The following TECRL variants were observed in gnomAD, a reference collection of about 807,000 sequenced individuals.
TECRL encodes the protein trans-2,3-enoyl-CoA reductase-like.
Under a neutral mutation model 52.8 loss-of-function variants are expected in TECRL, and 63 were observed. That is an observed-to-expected ratio of 1.19 (90% CI 0.97 to 1.47). TECRL has a LOEUF of 1.47. Among genes scored for constraint, TECRL ranks in the 40% most tolerant of loss-of-function variants. The pLI, the probability that TECRL is intolerant of heterozygous loss-of-function variation, is 0.00. For missense variants in TECRL, 482 were observed against 429.6 expected (o/e 1.12, Z -1.08); for synonymous variants, 164 against 141.9 (o/e 1.16, Z -1.10).
At chr4:64,302,044 C>T (rs552828926) in intron 7 of TECRL, among the ~76,000 whole-genome samples, 3 of 151,148 alleles carry the variant, frequency 2.0e-5, no homozygotes, top group East Asian at 3.9e-4. Flanking sequence ...TGATAGTAGA[C>T]ATTTATATAT....
intron 1 of TECRL, among the ~76,000 whole-genome samples, chr4:64,393,634 T>G (rs1269105218): frequency 1.3e-5 from 2 of 151,948 alleles, no homozygotes; most frequent in East Asian, 3.8e-4. Flanking sequence ...CTTTCCCATT[T>G]CTGCTTCTAT....
Position 64,404,651 on chromosome 4 carries a change from G to T in TECRL, c.234+4467C>A, listed in dbSNP as rs942558681. Among the ~76,000 whole-genome samples the T allele has an allele frequency of 2.0e-5, 3 of 151,932 alleles. No homozygotes were observed. In the South Asian group the frequency reaches 6.2e-4, roughly 31 times the overall value. On this transcript the variant is annotated intron_variant, in intron 1 of 11. Transcript: ENST00000381210. ...GCTTTATGAAAATCTTATTAAAATT[G>T]TCATCAGAACATGACTGTCTATTAA...
intron 4 of TECRL, among the ~76,000 whole-genome samples, chr4:64,322,010 G>C (rs573018544): frequency 2.8e-4 from 43 of 152,250 alleles, no homozygotes; most frequent in African/African-American, 9.4e-4. Context: ...GATGAAACCA[G>C]CCCAATAGTC....
intron 4 of TECRL, 88 bp downstream of exon 4, chr4:64,322,601 A>G (rs191265567): frequency 2.1e-4 from 185 of 877,730 alleles, no homozygotes; most frequent in Admixed American, 1.2e-3. Flanking sequence ...TTGTTTCGCT[A>G]TGAGTTTATT....
intron 1 of TECRL, among the ~76,000 whole-genome samples, chr4:64,408,105 ACT>A (rs1220351570): frequency 2.0e-5 from 3 of 151,732 alleles, no homozygotes; most frequent in Admixed American, 1.3e-4. Context: ...AGTTAATATA[ACT>A]CAATTTATAA....
At chr4:64,387,905 TTACA>T (rs1723288130) in intron 1 of TECRL, among the ~76,000 whole-genome samples, 1 of 151,852 alleles carries the variant, frequency 6.6e-6, no homozygotes, top group Non-Finnish European at 1.5e-5. Flanking sequence ...TAAATATATA[TTACA>T]TACATATATG....
At chr4:64,314,488 A>T (rs558572465) in intron 5 of TECRL, among the ~76,000 whole-genome samples, 160 bp downstream of exon 5, 15 of 152,256 alleles carry the variant, frequency 9.9e-5, no homozygotes, top group African/African-American at 3.1e-4. Flanking sequence ...GTGGTTATCT[A>T]AAATACATTT....
At chr4:64,375,843 A>G (rs1722360667) in intron 1 of TECRL, among the ~76,000 whole-genome samples, 1 of 151,862 alleles carries the variant, frequency 6.6e-6, no homozygotes, top group South Asian at 2.1e-4. Context: ...TGAATAAAAT[A>G]TTTTTTATTC....
intron 2 of TECRL, 80 bp from the exon 3 acceptor site, chr4:64,328,636 CCAT>C: frequency 8.3e-7 from 1 of 1,203,824 alleles, no homozygotes; most frequent in South Asian, 1.3e-5. Context: ...CATGGGAAGA[CCAT>C]TTAGATCTAG....
At chr4:64,398,632 C>T (rs527367308) in intron 1 of TECRL, among the ~76,000 whole-genome samples, 92 of 152,224 alleles carry the variant, frequency 6.0e-4, no homozygotes, top group African/African-American at 2.2e-3. Context: ...AAACCTCTTT[C>T]CTTTATAAAT....
intron 5 of TECRL, among the ~76,000 whole-genome samples, chr4:64,312,819 G>A (rs190494120): frequency 8.0e-4 from 121 of 150,810 alleles, no homozygotes; most frequent in African/African-American, 2.9e-3. Flanking sequence ...TGACACTAAA[G>A]AAAACTTTTT....
At chr4:64,312,034 A>C (rs193071267) in intron 5 of TECRL, among the ~76,000 whole-genome samples, 12 of 152,324 alleles carry the variant, frequency 7.9e-5, no homozygotes, top group Admixed American at 7.8e-4. Flanking sequence ...ACGCAGATAC[A>C]GTTCCTATGG....
intron 1 of TECRL, among the ~76,000 whole-genome samples, chr4:64,403,262 A>G (rs941534435): frequency 2.0e-5 from 3 of 152,014 alleles, no homozygotes; most frequent in Non-Finnish European, 2.9e-5. Flanking sequence ...TTAAATTTCC[A>G]AATCAACATA....
intron 2 of TECRL, among the ~76,000 whole-genome samples, chr4:64,366,605 C>T (rs374492204): frequency 4.6e-5 from 7 of 151,802 alleles, no homozygotes; most frequent in Admixed American, 1.3e-4. Context: ...GGGAAAATAA[C>T]GTTAATAGAC....
At chr4:64,301,752 A>T (rs1267797586) in intron 7 of TECRL, among the ~76,000 whole-genome samples, 2 of 151,264 alleles carry the variant, frequency 1.3e-5, no homozygotes, top group Non-Finnish European at 3.0e-5. Flanking sequence ...AGAGGGTTCA[A>T]AGCACATTAG....
intron 5 of TECRL, 102 bp from the exon 6 acceptor site, chr4:64,310,033 TG>T (rs1404952114): frequency 1.6e-6 from 1 of 608,356 alleles, no homozygotes; most frequent in Non-Finnish European, 2.8e-6. Flanking sequence ...TGCTAGCTAT[TG>T]GGAAACATTG....
intron 2 of TECRL, among the ~76,000 whole-genome samples, chr4:64,335,327 G>C (rs1200322131): frequency 5.3e-5 from 8 of 152,144 alleles, no homozygotes; most frequent in African/African-American, 1.9e-4. Context: ...GAGGAATCTA[G>C]GTTGCATGCT....
intron 6 of TECRL, among the ~76,000 whole-genome samples, chr4:64,309,180 G>A (rs542540291): frequency 6.6e-6 from 1 of 152,208 alleles, no homozygotes; most frequent in East Asian, 1.9e-4. Flanking sequence ...TAGAATGGCT[G>A]TTCTGTTGCG....
intron 8 of TECRL, chr4:64,299,396 G>A (rs545514286): frequency 1.3e-5 from 2 of 151,104 alleles, no homozygotes; most frequent in Non-Finnish European, 3.0e-5. Flanking sequence ...GAGTTAAAGA[G>A]CTTATAAGCA....
Sources: gnomAD v4.1 joint callset for allele counts (sites outside exome capture counted in the v4.1 genomes callset) on GRCh38, gnomAD v4.1.1 for gene constraint, MANE v1.5 for transcripts, NCBI Gene and HGNC (gene_info 2026-07-23, HGNC 2026-07-21) for gene names.